Variants in ABCC1 observed in about 807,000 individuals in gnomAD.
The protein encoded by ABCC1 is multidrug resistance-associated protein 1.
Under a neutral mutation model 172.9 loss-of-function variants are expected in ABCC1, and 83 were observed. That is an observed-to-expected ratio of 0.48 (90% CI 0.40 to 0.58). The LOEUF (loss-of-function observed/expected upper bound fraction) is 0.58, where lower values mean the gene tolerates loss of function less well. Among genes scored for constraint, ABCC1 ranks in the 20% least tolerant of loss-of-function variants. The pLI is 0.00. For missense variants in ABCC1, 1,817 were observed against 2,002.7 expected, an observed-to-expected ratio of 0.91 and a Z score of 1.77; for synonymous variants, 937 against 825.2, an observed-to-expected ratio of 1.14 and a Z score of -2.32.
At chr16:16,041,090 G>T (rs1018001604) in intron 7 of ABCC1, among the ~76,000 whole-genome samples, 1 of 149,132 alleles carries the variant, frequency 6.7e-6, no homozygotes, top group East Asian at 2.0e-4. Flanking sequence ...ACCACACCTG[G>T]CTAATTTTTT....
At chr16:16,109,976 T>C (rs2052313790) in intron 21 of ABCC1, among the ~76,000 whole-genome samples, 1 of 152,172 alleles carries the variant, frequency 6.6e-6, no homozygotes. Context: ...TGCTGCCCCA[T>C]GATCTCCTGG....
At chr16:15,992,482 C>T (rs2046901114) in intron 1 of ABCC1, among the ~76,000 whole-genome samples, 2 of 150,220 alleles carry the variant, frequency 1.3e-5, no homozygotes, top group Non-Finnish European at 3.0e-5. Context: ...TCACTGCAGC[C>T]TCTGCCTCCC....
chr16:16,048,484 A>T (rs2049305435), intron 10 of ABCC1, among the ~76,000 whole-genome samples, 181 bp downstream of exon 10: 1 of 151,962 alleles, frequency 6.6e-6, no homozygotes, highest in African/African-American at 2.4e-5. Flanking sequence ...CCTTTCCTGA[A>T]TTGTCAGGTT....
At chr16:15,991,254 T>C (rs1442387459) in intron 1 of ABCC1, among the ~76,000 whole-genome samples, 2 of 151,772 alleles carry the variant, frequency 1.3e-5, no homozygotes, top group Non-Finnish European at 2.9e-5. Context: ...CCTGTGCCTC[T>C]AAATCGCAGG....
intron 17 of ABCC1, among the ~76,000 whole-genome samples, chr16:16,086,318 G>A (rs2051003894): frequency 6.6e-6 from 1 of 152,214 alleles, no homozygotes; most frequent in Admixed American, 6.5e-5. Flanking sequence ...GGTGGTGGTG[G>A]AGCTGGGGCC....
chr16:15,984,498 A>G (rs186564909), intron 1 of ABCC1, among the ~76,000 whole-genome samples: 282 of 147,770 alleles, frequency 1.9e-3, no homozygotes, highest in African/African-American at 6.7e-3. Context: ...GCTGGAGTGC[A>G]GTGGCGTGAT....
chr16:15,999,255 T>C (rs1050875115), intron 1 of ABCC1, among the ~76,000 whole-genome samples: 2 of 152,106 alleles, frequency 1.3e-5, no homozygotes, highest in African/African-American at 4.8e-5. Flanking sequence ...TTCTCCCACC[T>C]TGGCCTCCCG....
At chr16:16,093,622 C>T (rs2051342355) in intron 19 of ABCC1, among the ~76,000 whole-genome samples, 1 of 152,198 alleles carries the variant, frequency 6.6e-6, no homozygotes, top group Admixed American at 6.5e-5. Flanking sequence ...CCCCCTCTCT[C>T]ACCACCCACC....
chr16:15,989,227 A>T (rs2046807198), intron 1 of ABCC1, among the ~76,000 whole-genome samples: 1 of 151,966 alleles, frequency 6.6e-6, no homozygotes, highest in Non-Finnish European at 1.5e-5. Flanking sequence ...TGCCCCTGTG[A>T]TGTTACTGGG....
chr16:16,065,984 G>A lies in ABCC1; in HGVS notation c.1678-2172G>A, dbSNP rs559735044. Among the ~76,000 whole-genome samples the A allele has an allele frequency of 1.0e-3, 152 of 149,258 alleles. 1 individual carries two copies. Among genetic ancestry groups the A allele is most frequent in the African/African-American group, 3.6e-3 (147 of 40,368 alleles). On this transcript the variant is annotated intron_variant, in intron 12 of 30. Coordinates refer to ENST00000399410, the MANE Select transcript of ABCC1 (RefSeq NM_004996.4). ...GTGAAGGTCACCCAGTGGGTTTTTTGTATAAATGATAATGACAATCACCAC... is the reference window on the plus strand; with the variant it reads ...GTGAAGGTCACCCAGTGGGTTTTTTATATAAATGATAATGACAATCACCAC...
At chr16:16,006,530 T>A (rs2047537700) in intron 1 of ABCC1, among the ~76,000 whole-genome samples, 1 of 152,034 alleles carries the variant, frequency 6.6e-6, no homozygotes, top group Admixed American at 6.6e-5. Context: ...TCTATGAATT[T>A]GTCTATTTGG....
chr16:16,101,628 C>T (rs563462412), intron 19 of ABCC1, among the ~76,000 whole-genome samples: 2 of 152,242 alleles, frequency 1.3e-5, no homozygotes, highest in South Asian at 2.1e-4. Context: ...TGGGGTCAGC[C>T]CTGTGGTGCC....
intron 14 of ABCC1, among the ~76,000 whole-genome samples, chr16:16,075,220 C>T (rs992462043): frequency 5.3e-5 from 8 of 152,070 alleles, no homozygotes; most frequent in Admixed American, 3.9e-4. Context: ...GTTGGGATTA[C>T]AGGCATGAGC....
chr16:16,062,785 T>C (rs1280555503), intron 12 of ABCC1, among the ~76,000 whole-genome samples: 2 of 152,168 alleles, frequency 1.3e-5, no homozygotes, highest in Non-Finnish European at 2.9e-5. Context: ...GTAGGTGTGA[T>C]GGAACACAGA....
At chr16:15,984,635 T>G (rs1178430400) in intron 1 of ABCC1, among the ~76,000 whole-genome samples, 2 of 151,912 alleles carry the variant, frequency 1.3e-5, no homozygotes, top group Non-Finnish European at 2.9e-5. Flanking sequence ...TAGTAGAGAT[T>G]GGGTTTCACC....
intron 13 of ABCC1, among the ~76,000 whole-genome samples, chr16:16,071,209 C>T (rs538513630): frequency 1.3e-4 from 20 of 151,940 alleles, no homozygotes; most frequent in African/African-American, 4.8e-4. Flanking sequence ...CTCAGCCTCC[C>T]GAGTAGCTGG....
intron 18 of ABCC1, among the ~76,000 whole-genome samples, chr16:16,088,723 T>C (rs7498870): frequency 3.3e-5 from 5 of 151,904 alleles, no homozygotes; most frequent in African/African-American, 7.3e-5. Flanking sequence ...TCTTTTTTTT[T>C]CTGCAGACAG....
chr16:15,968,993 A>G (rs2046308916), intron 1 of ABCC1, among the ~76,000 whole-genome samples: 1 of 151,650 alleles, frequency 6.6e-6, no homozygotes, highest in South Asian at 2.1e-4. Flanking sequence ...AGATCACTTG[A>G]GGTCAGTAGT....
At chr16:15,997,130 C>T (rs377503754) in intron 1 of ABCC1, among the ~76,000 whole-genome samples, 254 of 143,252 alleles carry the variant, frequency 1.8e-3, no homozygotes, top group Middle Eastern at 4.5e-3. Flanking sequence ...CTCGCTCTAT[C>T]GCCCAGGCTG....
Sources: allele counts gnomAD v4.1 joint callset (sites outside exome capture counted in the v4.1 genomes callset), GRCh38; gene constraint gnomAD v4.1.1; transcripts MANE v1.5; gene names NCBI Gene and HGNC (gene_info 2026-07-23, HGNC 2026-07-21).